Variants in PPP1R14C observed in about 807,000 individuals in gnomAD.
PPP1R14C encodes the protein protein phosphatase 1 regulatory subunit 14C.
In PPP1R14C, 16 loss-of-function variants were observed where a neutral mutation model predicts 20.4. The ratio of observed to expected loss-of-function variants is 0.78; its 90% confidence interval spans 0.53 to 1.19. PPP1R14C has a LOEUF of 1.19. Ranked by LOEUF, PPP1R14C falls within the 50% of genes most tolerant of loss-of-function variation. The probability of loss-of-function intolerance (pLI) is 0.00; values close to 1 mark genes in which losing one functional copy is unlikely to be tolerated. For missense variants in PPP1R14C, 211 were observed against 220.1 expected (o/e 0.96, Z 0.26); for synonymous variants, 91 against 91.0 (o/e 1.00, Z 0.00).
intron 1 of PPP1R14C, among the ~76,000 whole-genome samples, chr6:150,175,864 A>T (rs549383810): frequency 3.9e-5 from 6 of 152,184 alleles, no homozygotes; most frequent in Non-Finnish European, 7.3e-5. Flanking sequence ...TTTGAACCAC[A>T]AGCGCAATCT....
At chr6:150,204,955 A>T (rs1777925972) in intron 1 of PPP1R14C, among the ~76,000 whole-genome samples, 1 of 150,374 alleles carries the variant, frequency 6.7e-6, no homozygotes, top group African/African-American at 2.4e-5. Context: ...CTTTGAGATC[A>T]AGGCTGGGCA....
chr6:150,222,242 T>G (rs1301994987), intron 3 of PPP1R14C, among the ~76,000 whole-genome samples: 1 of 152,160 alleles, frequency 6.6e-6, no homozygotes, highest in Non-Finnish European at 1.5e-5. Flanking sequence ...ATCTTGACAT[T>G]TGTTAAATTC....
intron 3 of PPP1R14C, 32 bp from the exon 4 acceptor site, chr6:150,248,714 C>T (rs1179233438): frequency 5.8e-6 from 8 of 1,384,792 alleles, no homozygotes; most frequent in Non-Finnish European, 8.2e-6. Context: ...TTAATAGTGA[C>T]CCTCATATTA....
chr6:150,204,531 T>G (rs116939776), intron 1 of PPP1R14C, among the ~76,000 whole-genome samples: 1,965 of 152,368 alleles, frequency 0.013, 15 homozygotes, highest in Non-Finnish European at 0.021. Context: ...AGGAATCGGA[T>G]GTGCCCAGTC....
chr6:150,221,519 G>A (rs1321549917), intron 3 of PPP1R14C, among the ~76,000 whole-genome samples: 1 of 152,214 alleles, frequency 6.6e-6, no homozygotes, highest in Non-Finnish European at 1.5e-5. Context: ...ACTTAAAATT[G>A]TTATGCCACT....
intron 1 of PPP1R14C, among the ~76,000 whole-genome samples, chr6:150,202,736 A>G (rs1777894373): frequency 6.6e-6 from 1 of 152,234 alleles, no homozygotes; most frequent in South Asian, 2.1e-4. Flanking sequence ...CCTTTTGCCC[A>G]GCCCTCGGCT....
intron 1 of PPP1R14C, among the ~76,000 whole-genome samples, chr6:150,155,372 C>G (rs944971552): frequency 1.3e-5 from 2 of 152,130 alleles, no homozygotes; most frequent in Non-Finnish European, 2.9e-5. Flanking sequence ...ATGATAGAAT[C>G]ATAAAGCACC....
At chr6:150,176,143 G>C (rs1054377051) in intron 1 of PPP1R14C, among the ~76,000 whole-genome samples, 1 of 152,178 alleles carries the variant, frequency 6.6e-6, no homozygotes, top group Admixed American at 6.5e-5. Context: ...GGGTGAACAG[G>C]AGGGCTCTAG....
chr6:150,187,965 C>G (rs975180180), intron 1 of PPP1R14C, among the ~76,000 whole-genome samples: 1 of 152,086 alleles, frequency 6.6e-6, no homozygotes, highest in Admixed American at 6.5e-5. Context: ...TATGTTACAC[C>G]GAATAACCAC....
intron 1 of PPP1R14C, among the ~76,000 whole-genome samples, chr6:150,173,772 A>G (rs1437616338): frequency 6.6e-6 from 1 of 152,150 alleles, no homozygotes; most frequent in Non-Finnish European, 1.5e-5. Context: ...GAACTGGCCC[A>G]TGGTCACTCA....
intron 1 of PPP1R14C, among the ~76,000 whole-genome samples, chr6:150,174,408 G>A (rs1051247529): frequency 8.1e-5 from 12 of 148,644 alleles, no homozygotes; most frequent in African/African-American, 1.5e-4. Context: ...AGTAGAGATG[G>A]GGTTTCACCG....
At chr6:150,238,933 A>T (rs1361342249) in intron 3 of PPP1R14C, among the ~76,000 whole-genome samples, 1 of 152,162 alleles carries the variant, frequency 6.6e-6, no homozygotes, top group Admixed American at 6.5e-5. Context: ...GGAGGCCTTC[A>T]ATCAGGGTTT....
chr6:150,246,809 T>G (rs1051695597), intron 3 of PPP1R14C, among the ~76,000 whole-genome samples: 1 of 152,192 alleles, frequency 6.6e-6, no homozygotes, highest in East Asian at 1.9e-4. Context: ...ACAAAAAGAT[T>G]ATATAACCAC....
intron 1 of PPP1R14C, among the ~76,000 whole-genome samples, chr6:150,149,477 T>G (rs1054606801): frequency 4.6e-5 from 6 of 129,440 alleles, no homozygotes; most frequent in Middle Eastern, 4.5e-3. Context: ...TTTTTTTTTT[T>G]TGTGGAGACA....
chr6:150,175,828 A>C (rs1777555596), intron 1 of PPP1R14C, among the ~76,000 whole-genome samples: 1 of 152,236 alleles, frequency 6.6e-6, no homozygotes, highest in African/African-American at 2.4e-5. Context: ...GTCATATCCC[A>C]ATCTGGCCTG....
At chr6:150,243,926 A>C (rs1470184476) in intron 3 of PPP1R14C, among the ~76,000 whole-genome samples, 1 of 152,220 alleles carries the variant, frequency 6.6e-6, no homozygotes. Context: ...TAAAAAGTAC[A>C]GTGTTATGAT....
intron 1 of PPP1R14C, among the ~76,000 whole-genome samples, chr6:150,192,177 C>T (rs913923451): frequency 6.6e-5 from 10 of 152,202 alleles, no homozygotes; most frequent in South Asian, 2.1e-4. Context: ...ATTTGGATGC[C>T]GCCTGGGCTG....
chr6:150,177,878 C>T (rs1457950214), intron 1 of PPP1R14C, among the ~76,000 whole-genome samples: 1 of 152,286 alleles, frequency 6.6e-6, no homozygotes. Flanking sequence ...CCTGAGGCCC[C>T]GTCGTCAGGC....
chr6:150,186,387 G>A (rs11752228), intron 1 of PPP1R14C, among the ~76,000 whole-genome samples: 13,551 of 152,136 alleles, frequency 0.089, 801 homozygotes, highest in South Asian at 0.13. Flanking sequence ...TTACCGGACA[G>A]TCCCCTCAGC....
Sources: allele counts gnomAD v4.1 joint callset (sites outside exome capture counted in the v4.1 genomes callset), GRCh38; gene constraint gnomAD v4.1.1; transcripts MANE v1.5; gene names NCBI Gene and HGNC (gene_info 2026-07-23, HGNC 2026-07-21).